OR51C1: variants seen among roughly 807,000 people sequenced by gnomAD.
OR51C1 encodes the protein olfactory receptor OR51C1.
the OR51C1 span, chr11:4,691,097 C>A: frequency 2.2e-6 from 1 of 456,714 alleles, no homozygotes; most frequent in South Asian, 1.5e-5. Context: ...ACATGGCAGT[C>A]AGCCCAACTG....
chr11:4,693,224 T>C, the OR51C1 span, among the ~76,000 whole-genome samples: 2 of 152,266 alleles, frequency 1.3e-5, no homozygotes, highest in South Asian at 4.1e-4. Flanking sequence ...CACAAATATA[T>C]ACCATATTAT....
At chr11:4,695,377 T>G in the OR51C1 span, among the ~76,000 whole-genome samples, 1 of 152,212 alleles carries the variant, frequency 6.6e-6, no homozygotes, top group Non-Finnish European at 1.5e-5. Context: ...AATAAAAGCT[T>G]CCCACAGTTT....
At chr11:4,691,740 C>CA in the OR51C1 span, 4,495 of 335,326 alleles carry the variant, frequency 0.013, 215 homozygotes, top group African/African-American at 0.091. Context: ...AGAGCTTAAA[C>CA]AAAAAAAAGC....
chr11:4,696,142 C>CTTG, the OR51C1 span, among the ~76,000 whole-genome samples: 1 of 152,256 alleles, frequency 6.6e-6, no homozygotes, highest in East Asian at 1.9e-4. Flanking sequence ...AACAAAGCTC[C>CTTG]TTGCTGCATG....
At chr11:4,696,674 A>T in the OR51C1 span, among the ~76,000 whole-genome samples, 1 of 152,134 alleles carries the variant, frequency 6.6e-6, no homozygotes, top group Admixed American at 6.6e-5. Context: ...TTTCCGACCC[A>T]TCCTCTCCAA....
the OR51C1 span, chr11:4,692,027 C>T: frequency 2.9e-6 from 1 of 343,614 alleles, no homozygotes; most frequent in Non-Finnish European, 5.8e-6. Context: ...AACACTTTAC[C>T]CTGAGTTTGC....
the OR51C1 span, among the ~76,000 whole-genome samples, chr11:4,694,641 C>T: frequency 6.6e-6 from 1 of 151,714 alleles, no homozygotes; most frequent in African/African-American, 2.4e-5. Flanking sequence ...AGTCTAGGGA[C>T]TCTTACTGAA....
the OR51C1 span, among the ~76,000 whole-genome samples, chr11:4,694,799 G>A: frequency 6.6e-6 from 1 of 152,124 alleles, no homozygotes; most frequent in African/African-American, 2.4e-5. Context: ...TAATAGTGTG[G>A]AGTGGCAGAT....
the OR51C1 span, among the ~76,000 whole-genome samples, chr11:4,694,988 A>T: frequency 6.6e-6 from 1 of 152,216 alleles, no homozygotes; most frequent in Non-Finnish European, 1.5e-5. Context: ...GAGGAGAGAC[A>T]TGAATGAAAG....
the OR51C1 span, among the ~76,000 whole-genome samples, chr11:4,695,172 A>C: frequency 6.6e-6 from 1 of 152,202 alleles, no homozygotes; most frequent in African/African-American, 2.4e-5. Context: ...GAGCATCAAG[A>C]GCCAGACATT....
the OR51C1 span, chr11:4,692,184 G>C: frequency 6.6e-6 from 3 of 452,002 alleles, no homozygotes; most frequent in Non-Finnish European, 1.3e-5. Context: ...AAGCAGAGAA[G>C]CTTACAGACA....
chr11:4,697,295 C>T, the OR51C1 span, among the ~76,000 whole-genome samples: 3 of 152,262 alleles, frequency 2.0e-5, no homozygotes, highest in South Asian at 2.1e-4. Context: ...ACAGGATATG[C>T]GCTGTGTCTA....
the OR51C1 span, chr11:4,691,499 C>G: frequency 2.2e-6 from 1 of 456,098 alleles, no homozygotes; most frequent in South Asian, 1.6e-5. Context: ...CAGTGGCGGA[C>G]AGCATGGAGA....
the OR51C1 span, chr11:4,691,272 G>C: frequency 2.2e-6 from 1 of 457,124 alleles, no homozygotes; most frequent in Non-Finnish European, 4.4e-6. Context: ...TCCAATTTGA[G>C]CTATTCTGGA....
the OR51C1 span, chr11:4,692,219 G>C: frequency 2.2e-6 from 1 of 445,602 alleles, no homozygotes; most frequent in South Asian, 1.6e-5. Context: ...AAAATATGAA[G>C]AAAGAGATCA....
chr11:4,693,032 A>C, the OR51C1 span, among the ~76,000 whole-genome samples: 3 of 152,254 alleles, frequency 2.0e-5, no homozygotes, highest in African/African-American at 2.4e-5. Context: ...ATGTATGATC[A>C]AACCTCTTAG....
At chr11:4,692,227 T>A in the OR51C1 span, 6 of 440,878 alleles carry the variant, frequency 1.4e-5, no homozygotes, top group African/African-American at 1.2e-4. Flanking sequence ...AAGAAAGAGA[T>A]CATTATAATA....
At chr11:4,692,081 G>A in the OR51C1 span, 1 of 417,650 alleles carries the variant, frequency 2.4e-6, no homozygotes, top group East Asian at 7.1e-5. Flanking sequence ...TTGTGCTAAA[G>A]AGGTAGTGCA....
the OR51C1 span, chr11:4,690,884 A>G: frequency 4.4e-6 from 2 of 456,664 alleles, no homozygotes; most frequent in South Asian, 1.5e-5. Context: ...TAGTATGTAC[A>G]TAGGCTGGGG....
Sources: gnomAD v4.1 joint callset for allele counts (sites outside exome capture counted in the v4.1 genomes callset) on GRCh38, gnomAD v4.1.1 for gene constraint, MANE v1.5 for transcripts, NCBI Gene and HGNC (gene_info 2026-07-23, HGNC 2026-07-21) for gene names.